The following ACSF3 variants were observed in gnomAD, a reference collection of about 807,000 sequenced individuals.
ACSF3 encodes malonate--CoA ligase ACSF3, mitochondrial.
ACSF3 carries 78 observed loss-of-function variants against 53.2 expected under a neutral mutation model. That is an observed-to-expected ratio of 1.47 (90% CI 1.22 to 1.77). ACSF3 has a LOEUF of 1.77. Among genes scored for constraint, ACSF3 ranks in the 40% most tolerant of loss-of-function variants. ACSF3 has a pLI of 0.00. For synonymous variants in ACSF3, 414 were observed against 333.1 expected (o/e 1.24, Z -2.65); for missense variants, 937 against 771.1 (o/e 1.22, Z -2.55).
chr16:89,153,567 C>T (rs545716597), intron 10 of ACSF3: 1 of 181,760 alleles, frequency 5.5e-6, no homozygotes, highest in Non-Finnish European at 1.2e-5. Flanking sequence ...CTCTGTGAGG[C>T]CTCTTGCCAC....
At chr16:89,141,123 G>C (rs1911668201) in intron 8 of ACSF3, 2 of 1,287,238 alleles carry the variant, frequency 1.6e-6, no homozygotes, top group Non-Finnish European at 2.0e-6. Flanking sequence ...CGCTGCCGCA[G>C]GACCTCCTCC....
chr16:89,101,477 C>T, intron 3 of ACSF3, 130 bp downstream of exon 3: 23 of 1,518,040 alleles, frequency 1.5e-5, no homozygotes, highest in Non-Finnish European at 1.8e-5. Flanking sequence ...CCTGCAGACC[C>T]GTGTGAGATA....
chr16:89,101,356 C>T lies in ACSF3; in HGVS notation c.666+9C>T, dbSNP rs767663198. ...AAAACATCAGGGCTGTGGTGAGTGCCGCCTGGCGCCGTGATGGTTTCGGTG... is the reference window on the plus strand; with the variant it reads ...AAAACATCAGGGCTGTGGTGAGTGCTGCCTGGCGCCGTGATGGTTTCGGTG... On this transcript the variant is annotated intron_variant, in intron 3 of 10. Transcript: ENST00000614302. 41 of 1,569,910 alleles carry T rather than the reference C, an allele frequency of 2.6e-5. No individual in the cohort carries two copies. The highest frequency in any genetic ancestry group is 2.2e-4 in the South Asian group (19 of 86,100).
At chr16:89,098,243 G>A (rs749419511) in intron 1 of ACSF3, among the ~76,000 whole-genome samples, 2 of 152,194 alleles carry the variant, frequency 1.3e-5, no homozygotes, top group Non-Finnish European at 2.9e-5. Flanking sequence ...GTGTTGTGAC[G>A]GTTTCAAACT....
intron 5 of ACSF3, 79 bp downstream of exon 5, chr16:89,112,325 C>T (rs1976792994): frequency 1.3e-6 from 2 of 1,566,488 alleles, no homozygotes; most frequent in Non-Finnish European, 1.8e-6. Context: ...TAAATCACTC[C>T]TACTAAGTTC....
chr16:89,101,536 A>C (rs1436006829), intron 3 of ACSF3, among the ~76,000 whole-genome samples, 189 bp downstream of exon 3: 2 of 152,200 alleles, frequency 1.3e-5, no homozygotes, highest in Non-Finnish European at 2.9e-5. Flanking sequence ...CTGGCCACGC[A>C]GGACGGCTCT....
intron 10 of ACSF3, chr16:89,147,680 A>C (rs566292552): frequency 6.6e-6 from 1 of 152,200 alleles, no homozygotes. Flanking sequence ...CCTGTGATGC[A>C]GTCACCTCCC....
Position 89,153,563 on chromosome 16 carries a change from G to A in ACSF3, c.1614-527G>A, listed in dbSNP as rs549322059. On this transcript the variant is annotated intron_variant, in intron 10 of 10. Coordinates refer to ENST00000614302, the MANE Select transcript of ACSF3 (RefSeq NM_001243279.3). ...CCGTCCCTGCCGTGCAGGGCTCTGTGAGGCCTCTTGCCACATAGGCTTGTG... is the reference window on the plus strand; with the variant it reads ...CCGTCCCTGCCGTGCAGGGCTCTGTAAGGCCTCTTGCCACATAGGCTTGTG... 637 of 177,644 alleles carry A rather than the reference G, an allele frequency of 3.6e-3. 2 individuals carry two copies. The highest frequency in any genetic ancestry group is 5.4e-3 in the Non-Finnish European group (446 of 82,054). 11.0% of individuals were successfully genotyped at this position (177,644 alleles called of 1,614,324 possible). A position where few individuals can be genotyped will look rare whatever the true frequency, so the allele number is the denominator to read the frequency against.
chr16:89,126,597 A>G (rs1317976380), intron 7 of ACSF3, among the ~76,000 whole-genome samples: 1 of 152,168 alleles, frequency 6.6e-6, no homozygotes, highest in African/African-American at 2.4e-5. Context: ...TTAGTTTTCA[A>G]CTGTTCATTG....
At chr16:89,124,666 A>G (rs1907590670) in intron 7 of ACSF3, among the ~76,000 whole-genome samples, 2 of 149,360 alleles carry the variant, frequency 1.3e-5, no homozygotes, top group South Asian at 4.3e-4. Context: ...CTGTGCACGC[A>G]CTGCGTGTGT....
At chr16:89,130,444 C>A (rs1456678010) in intron 7 of ACSF3, among the ~76,000 whole-genome samples, 7 of 152,076 alleles carry the variant, frequency 4.6e-5, no homozygotes, top group Non-Finnish European at 1.0e-4. Flanking sequence ...CATGGTGGCA[C>A]ACACCTGTAA....
chr16:89,108,710 G>A (rs984780910), intron 4 of ACSF3, among the ~76,000 whole-genome samples: 3 of 152,204 alleles, frequency 2.0e-5, no homozygotes, highest in African/African-American at 7.2e-5. Context: ...TCTACTGTGT[G>A]TATTAATAAC....
Position 89,136,945 on chromosome 16 carries a change from C to G in ACSF3, c.1366+3683C>G, listed in dbSNP as rs992246334. ...GTCAAAGGTCTGTCTCAGGTAACTC[C>G]TCTGACGGCCACAATGATCTCTGCA... On this transcript the variant is annotated intron_variant, in intron 8 of 10. Coordinates refer to ENST00000614302, the MANE Select transcript of ACSF3 (RefSeq NM_001243279.3). The G allele has an allele frequency of 3.0e-5, 33 of 1,111,730 alleles. No individual in the cohort carries two copies. In the Admixed American group the frequency reaches 5.7e-4, roughly 19 times the overall value. 68.9% of individuals were successfully genotyped at this position (1,111,730 alleles called of 1,614,324 possible).
At chr16:89,126,128 T>C (rs1908038158) in intron 7 of ACSF3, among the ~76,000 whole-genome samples, 1 of 152,256 alleles carries the variant, frequency 6.6e-6, no homozygotes, top group African/African-American at 2.4e-5. Context: ...GTTTCTTCTG[T>C]GTTGTATTCA....
At chr16:89,129,033 G>A (rs368993058) in intron 7 of ACSF3, among the ~76,000 whole-genome samples, 6 of 152,156 alleles carry the variant, frequency 3.9e-5, no homozygotes, top group Non-Finnish European at 7.3e-5. Context: ...ACAGGAGGCC[G>A]AGGCGGGAAG....
At chr16:89,135,870 G>C (rs1451705134) in intron 8 of ACSF3, among the ~76,000 whole-genome samples, 3 of 152,238 alleles carry the variant, frequency 2.0e-5, no homozygotes, top group African/African-American at 4.8e-5. Flanking sequence ...TGCCTCTCGG[G>C]TTCAAGCAAT....
intron 10 of ACSF3, chr16:89,150,971 AT>A (rs1913980427): frequency 7.8e-7 from 1 of 1,283,112 alleles, no homozygotes; most frequent in East Asian, 5.6e-5. Flanking sequence ...ACAAGAAGAT[AT>A]CCAGGGAGGA....
At chr16:89,100,546 C>G in intron 2 of ACSF3, 116 bp from the exon 3 acceptor site, 3 of 1,045,660 alleles carry the variant, frequency 2.9e-6, no homozygotes, top group Non-Finnish European at 4.2e-6. Context: ...TGCCTCATGA[C>G]TGAAGGTGCA....
At position 89,136,582 on chromosome 16, in the gene ACSF3, G is replaced by A. The variant is rs542061092; in HGVS notation, c.1366+3320G>A. ...TGCCACACGGATTCTGGCATAAGCCGGCGGGCACAGGGGACAGCCAGGGAT... is the reference window on the plus strand; with the variant it reads ...TGCCACACGGATTCTGGCATAAGCCAGCGGGCACAGGGGACAGCCAGGGAT... On this transcript the variant is annotated intron_variant, in intron 8 of 10. Transcript: ENST00000614302. 3.6e-5 allele frequency: 46 copies of A among 1,281,160 alleles called. 1 individual carries two copies. The South Asian group carries it at 4.9e-4, about 14-fold the overall frequency. 79.4% of individuals were successfully genotyped at this position (1,281,160 alleles called of 1,614,324 possible).
Sources: gnomAD v4.1 joint callset for allele counts (sites outside exome capture counted in the v4.1 genomes callset) on GRCh38, gnomAD v4.1.1 for gene constraint, MANE v1.5 for transcripts, NCBI Gene and HGNC (gene_info 2026-07-23, HGNC 2026-07-21) for gene names.